Variants in USP6NL observed in about 807,000 individuals in gnomAD.
The protein encoded by USP6NL is USP6 N-terminal like, also known as USP6 N-terminal-like protein.
USP6NL carries 26 observed loss-of-function variants against 61.9 expected under a neutral mutation model. That is an observed-to-expected ratio of 0.42 (90% CI 0.31 to 0.58). USP6NL has a LOEUF of 0.58. Among genes scored for constraint, USP6NL ranks in the 20% least tolerant of loss-of-function variants. The pLI, the probability that USP6NL is intolerant of heterozygous loss-of-function variation, is 0.16. For missense variants in USP6NL, 1,114 were observed against 1,034.3 expected (o/e 1.08, Z -1.06); for synonymous variants, 432 against 390.1 (o/e 1.11, Z -1.27).
intron 2 of USP6NL, among the ~76,000 whole-genome samples, chr10:11,588,531 C>T (rs2133633372): frequency 6.6e-6 from 1 of 151,828 alleles, no homozygotes; most frequent in East Asian, 1.9e-4. Context: ...TAATTGATCC[C>T]ACTGAAAAAA....
intron 5 of USP6NL, among the ~76,000 whole-genome samples, chr10:11,515,255 C>T (rs530626717): frequency 6.6e-6 from 1 of 152,272 alleles, no homozygotes; most frequent in East Asian, 1.9e-4. Context: ...ATTAACATGG[C>T]TAATAATTCA....
At chr10:11,567,250 CA>C (rs1375227785) in intron 2 of USP6NL, among the ~76,000 whole-genome samples, 2 of 152,146 alleles carry the variant, frequency 1.3e-5, no homozygotes, top group Non-Finnish European at 2.9e-5. Context: ...TTAAACAATT[CA>C]AAGAAAACCT....
Position 11,580,172 on chromosome 10 carries a change from G to C in USP6NL, c.4+17459C>G, listed in dbSNP as rs1221647856. ...CATGTCCCTCATGGATGGTGACCTTGTCCTGAGTAACATCTGAAGCTTTCC... is the reference window on the plus strand; with the variant it reads ...CATGTCCCTCATGGATGGTGACCTTCTCCTGAGTAACATCTGAAGCTTTCC... On this transcript the variant is annotated intron_variant, in intron 2 of 14. Transcript: ENST00000609104. Among the ~76,000 whole-genome samples the C allele has an allele frequency of 2.0e-5, 3 of 152,170 alleles. No homozygotes were observed. In the East Asian group the frequency reaches 5.8e-4, roughly 29 times the overall value.
At chr10:11,581,217 A>G (rs149930583) in intron 2 of USP6NL, among the ~76,000 whole-genome samples, 63 of 152,340 alleles carry the variant, frequency 4.1e-4, no homozygotes, top group African/African-American at 1.5e-3. Context: ...GGTCCCACAT[A>G]CAGAGATAAG....
rs966584960 is a variant in USP6NL at position 11,476,822 on chromosome 10, C to T, written c.1078+4948G>A. Among the ~76,000 whole-genome samples, 6 of 152,174 alleles carry T rather than the reference C, an allele frequency of 3.9e-5. No homozygotes were observed. The highest frequency in any genetic ancestry group is 1.4e-4 in the African/African-American group (6 of 41,440). On this transcript the variant is annotated intron_variant, in intron 14 of 14. Transcript: ENST00000609104. The surrounding 1 kb of genome is among the most constrained non-coding windows in gnomAD (Gnocchi z 4.3). ...GAAGACATGCCTTTCAACACTTTTA[C>T]AAACCACCCCCATACTATGAAATAA...
In USP6NL at chr10:11,600,429, C is replaced by T. The variant is rs1270126912; in HGVS notation, c.-83-2712G>A. ...ACCCACATCTTACAGCCAAACCCAG[C>T]CAAACTCAACAGAGAGCGCAGACCA... On this transcript the variant is annotated intron_variant, in intron 1 of 14. Coordinates refer to ENST00000609104, the MANE Select transcript of USP6NL (RefSeq NM_014688.5). This position sits in a 1 kb window ranked among gnomAD's most constrained non-coding sequence, Gnocchi z 4.1. Among the ~76,000 whole-genome samples the T allele has an allele frequency of 6.6e-6, 1 of 152,126 alleles. No individual in the cohort carries two copies. Among genetic ancestry groups the T allele is most frequent in the African/African-American group, 2.4e-5 (1 of 41,424 alleles).
chr10:11,535,526 G>T (rs1021612310), intron 2 of USP6NL, among the ~76,000 whole-genome samples: 1 of 152,188 alleles, frequency 6.6e-6, no homozygotes, highest in Non-Finnish European at 1.5e-5. Flanking sequence ...CTGGTACAGA[G>T]AAGGAAACAG....
chr10:11,564,824 A>T (rs1776680472), intron 2 of USP6NL: 2 of 152,218 alleles, frequency 1.3e-5, no homozygotes, highest in Admixed American at 1.3e-4. Context: ...GACCACATAT[A>T]CATTTGATTT....
chr10:11,471,756 C>T (rs1051740160), intron 14 of USP6NL, among the ~76,000 whole-genome samples: 2 of 145,036 alleles, frequency 1.4e-5, no homozygotes, highest in African/African-American at 5.2e-5. Context: ...TGTTCTCACT[C>T]ACAGGTGGGA....
chr10:11,465,153 A>G lies in USP6NL; in HGVS notation c.1079-1304T>C, dbSNP rs566154103. On this transcript the variant is annotated intron_variant, in intron 14 of 14. Coordinates refer to ENST00000609104, the MANE Select transcript of USP6NL (RefSeq NM_014688.5). The surrounding 1 kb of genome is among the most constrained non-coding windows in gnomAD (Gnocchi z 4.5). ...AGATATAAAGACATGAATAATAGAA[A>G]GACTGAATTTATAAACTTTCCTTTA... Among the ~76,000 whole-genome samples the G allele has an allele frequency of 6.0e-4, 92 of 152,352 alleles. No homozygotes were observed. The highest frequency in any genetic ancestry group is 1.1e-3 in the Non-Finnish European group (72 of 68,036).
chr10:11,463,069 T>G lies in USP6NL; in HGVS notation c.1859A>C (p.Asp620Ala). Residue 620 changes from aspartate (D) to alanine (A), a missense_variant, in exon 15 of 15, where the codon GAT becomes GCT. Asp to Ala is a moderately radical substitution (Grantham distance 126, BLOSUM62 -2). Coordinates refer to ENST00000609104, the MANE Select transcript of USP6NL (RefSeq NM_014688.5). The surrounding 1 kb of genome is among the most constrained non-coding windows in gnomAD (Gnocchi z 6.3). ...PSHARYPSQL[D>A]GEARGLAHPP... Reference sequence around the variant, plus strand: ...ATGAGCTAGCCCTCGGGCTTCCCCATCTAGCTGGGACGGATATCGTGCATG... The same window carrying G: ...ATGAGCTAGCCCTCGGGCTTCCCCAGCTAGCTGGGACGGATATCGTGCATG... The G allele has an allele frequency of 6.2e-7, 1 of 1,614,018 alleles. No homozygotes were observed. Among genetic ancestry groups the G allele is most frequent in the Non-Finnish European group, 8.5e-7 (1 of 1,179,882 alleles).
chr10:11,484,278 A>G (rs12360091), intron 13 of USP6NL, among the ~76,000 whole-genome samples: 34,294 of 152,138 alleles, frequency 0.23, 4,467 homozygotes, highest in East Asian at 0.59. Context: ...TGAAACTTTA[A>G]AGATGAACAA....
In USP6NL at chr10:11,471,136, G is replaced by C. The variant is rs572284209; in HGVS notation, c.1079-7287C>G. ...GGAGGCGGAGCTTGCAGTGAGCCGA[G>C]AACGCCACTGCACTCCAGCCTGGGC... On this transcript the variant is annotated intron_variant, in intron 14 of 14. Coordinates refer to ENST00000609104, the MANE Select transcript of USP6NL (RefSeq NM_014688.5). Among the ~76,000 whole-genome samples the C allele has an allele frequency of 3.9e-5, 6 of 152,112 alleles. No homozygotes were observed. In the East Asian group the frequency reaches 1.2e-3, roughly 29 times the overall value.
At chr10:11,535,573 A>G (rs949674451) in intron 2 of USP6NL, among the ~76,000 whole-genome samples, 1 of 152,158 alleles carries the variant, frequency 6.6e-6, no homozygotes, top group Non-Finnish European at 1.5e-5. Flanking sequence ...ACCACAAGAG[A>G]CCTTTTAGCC....
At chr10:11,549,097 T>G (rs932018502) in intron 2 of USP6NL, among the ~76,000 whole-genome samples, 1 of 152,144 alleles carries the variant, frequency 6.6e-6, no homozygotes, top group African/African-American at 2.4e-5. Context: ...AAAAGACTAT[T>G]AAATTACTCT....
At chr10:11,516,705 A>T (rs961208700) in intron 5 of USP6NL, among the ~76,000 whole-genome samples, 1 of 152,236 alleles carries the variant, frequency 6.6e-6, no homozygotes, top group Non-Finnish European at 1.5e-5. Flanking sequence ...AAGTGAATAT[A>T]AAGTTATATC....
At chr10:11,604,525 A>T (rs117934286) in intron 1 of USP6NL, among the ~76,000 whole-genome samples, 5 of 152,196 alleles carry the variant, frequency 3.3e-5, no homozygotes, top group African/African-American at 4.8e-5. Flanking sequence ...GTAAGCCTCA[A>T]TGAGGGCAAA....
intron 5 of USP6NL, 132 bp from the exon 6 acceptor site, chr10:11,509,807 TA>T: frequency 1.4e-6 from 1 of 703,992 alleles, no homozygotes; most frequent in Non-Finnish European, 2.3e-6. Flanking sequence ...TCCTAACTTG[TA>T]AAAAGTTGGA....
rs934805855 is a variant in USP6NL at position 11,487,041 on chromosome 10, G to A, written c.665-1130C>T. On this transcript the variant is annotated intron_variant, in intron 10 of 14. Coordinates refer to ENST00000609104, the MANE Select transcript of USP6NL (RefSeq NM_014688.5). This position sits in a 1 kb window ranked among gnomAD's most constrained non-coding sequence, Gnocchi z 4.2. ...TTTAGTAATATTTTTCAGTGAAATT[G>A]TTTCATTAAAAAAAAAAAATCCGTA... Among the ~76,000 whole-genome samples, 1 of 149,540 alleles carries A rather than the reference G, an allele frequency of 6.7e-6. No homozygotes were observed. The highest frequency in any genetic ancestry group is 2.5e-5 in the African/African-American group (1 of 40,568).
Sources: gnomAD v4.1 joint callset for allele counts (sites outside exome capture counted in the v4.1 genomes callset) on GRCh38, gnomAD v4.1.1 for gene constraint, Gnocchi (gnomAD v3.1) non-coding constraint, MANE v1.5 for transcripts, NCBI Gene and HGNC (gene_info 2026-07-23, HGNC 2026-07-21) for gene names.